The following ST6GALNAC3 variants were observed in gnomAD, a reference collection of about 807,000 sequenced individuals.
The protein encoded by ST6GALNAC3 is alpha-N-acetylgalactosaminide alpha-2,6-sialyltransferase 3.
In ST6GALNAC3, 25 loss-of-function variants were observed where a neutral mutation model predicts 32.7. That is an observed-to-expected ratio of 0.76 (90% CI 0.56 to 1.07). The LOEUF (loss-of-function observed/expected upper bound fraction) is 1.07. ST6GALNAC3 is among the 50% of genes least tolerant of loss of function. ST6GALNAC3 has a pLI of 0.00. For missense variants in ST6GALNAC3, 355 were observed against 382.4 expected, an observed-to-expected ratio of 0.93 and a Z score of 0.60; for synonymous variants, 129 against 133.1, an observed-to-expected ratio of 0.97 and a Z score of 0.21.
At chr1:76,403,954 A>T (rs1412375439) in intron 2 of ST6GALNAC3, among the ~76,000 whole-genome samples, 2 of 152,062 alleles carry the variant, frequency 1.3e-5, no homozygotes, top group Non-Finnish European at 2.9e-5. Flanking sequence ...AGTCTGGAGA[A>T]AACATGTTGC....
At chr1:76,080,320 C>T (rs1218388611) in intron 1 of ST6GALNAC3, among the ~76,000 whole-genome samples, 1 of 152,068 alleles carries the variant, frequency 6.6e-6, no homozygotes, top group Non-Finnish European at 1.5e-5. Flanking sequence ...CAGTTATAGA[C>T]ACAGGTCCAA....
chr1:76,362,798 C>A (rs1259760845), intron 2 of ST6GALNAC3, among the ~76,000 whole-genome samples: 1 of 152,236 alleles, frequency 6.6e-6, no homozygotes, highest in Non-Finnish European at 1.5e-5. Context: ...CCTTGGGCAG[C>A]TCTGTCCATG....
At chr1:76,461,826 C>G (rs903928240) in intron 3 of ST6GALNAC3, among the ~76,000 whole-genome samples, 1 of 152,124 alleles carries the variant, frequency 6.6e-6, no homozygotes, top group Non-Finnish European at 1.5e-5. Flanking sequence ...TGTTATTACC[C>G]TCTCATTTTA....
chr1:76,189,758 G>A (rs1475105320), intron 1 of ST6GALNAC3, among the ~76,000 whole-genome samples: 4 of 152,168 alleles, frequency 2.6e-5, no homozygotes, highest in African/African-American at 7.2e-5. Context: ...AAGTATAAGC[G>A]GTGCAAGTGG....
intron 1 of ST6GALNAC3, among the ~76,000 whole-genome samples, chr1:76,098,032 A>G (rs1647164442): frequency 6.6e-6 from 1 of 152,158 alleles, no homozygotes; most frequent in Non-Finnish European, 1.5e-5. Context: ...GAACCAGTAC[A>G]TGTTAGCAGC....
At chr1:76,339,188 A>G (rs1570885276) in intron 2 of ST6GALNAC3, among the ~76,000 whole-genome samples, 1 of 152,208 alleles carries the variant, frequency 6.6e-6, no homozygotes, top group African/African-American at 2.4e-5. Context: ...GTGACCTTTC[A>G]TGGCGAAGGG....
intron 3 of ST6GALNAC3, among the ~76,000 whole-genome samples, chr1:76,433,316 A>G (rs1655905215): frequency 6.6e-6 from 1 of 152,106 alleles, no homozygotes; most frequent in Non-Finnish European, 1.5e-5. Context: ...AGAAAAAAAG[A>G]GATTTTTTTA....
At chr1:76,474,181 C>T (rs1446121076) in intron 3 of ST6GALNAC3, among the ~76,000 whole-genome samples, 1 of 152,056 alleles carries the variant, frequency 6.6e-6, no homozygotes, top group Non-Finnish European at 1.5e-5. Context: ...GAATTGTGAG[C>T]AAAAACATGG....
At chr1:76,232,175 C>T (rs568161480) in intron 1 of ST6GALNAC3, among the ~76,000 whole-genome samples, 60 of 152,268 alleles carry the variant, frequency 3.9e-4, no homozygotes, top group East Asian at 2.1e-3. Context: ...TAGTGGTTGA[C>T]GCTGGACAGA....
intron 3 of ST6GALNAC3, among the ~76,000 whole-genome samples, chr1:76,537,958 C>T (rs1663728881): frequency 6.6e-6 from 1 of 152,170 alleles, no homozygotes; most frequent in South Asian, 2.1e-4. Flanking sequence ...GAGCTGGTAC[C>T]ATTCCTTCTG....
chr1:76,475,060 G>A (rs140677945), intron 3 of ST6GALNAC3, among the ~76,000 whole-genome samples: 2 of 152,236 alleles, frequency 1.3e-5, no homozygotes, highest in South Asian at 2.1e-4. Flanking sequence ...TGCTACTTTT[G>A]TTCCGTGTGT....
chr1:76,125,153 C>T (rs1649158860), intron 1 of ST6GALNAC3, among the ~76,000 whole-genome samples: 1 of 152,144 alleles, frequency 6.6e-6, no homozygotes, highest in Non-Finnish European at 1.5e-5. Context: ...TCTGGGGCAG[C>T]CTCTCTCTAA....
At chr1:76,522,526 T>C (rs1167749359) in intron 3 of ST6GALNAC3, among the ~76,000 whole-genome samples, 6 of 152,214 alleles carry the variant, frequency 3.9e-5, no homozygotes, top group African/African-American at 1.2e-4. Flanking sequence ...TTGAGTTCAT[T>C]AATCTTGTCC....
intron 2 of ST6GALNAC3, among the ~76,000 whole-genome samples, chr1:76,364,330 C>A (rs1165310377): frequency 2.0e-5 from 3 of 152,124 alleles, no homozygotes; most frequent in Non-Finnish European, 2.9e-5. Flanking sequence ...GGGTGGATCA[C>A]CTGAAGTCAG....
intron 2 of ST6GALNAC3, among the ~76,000 whole-genome samples, chr1:76,379,100 G>A (rs1651499121): frequency 6.6e-6 from 1 of 152,104 alleles, no homozygotes; most frequent in South Asian, 2.1e-4. Flanking sequence ...GCTTCACTGT[G>A]TTAGCCAGGA....
At chr1:76,368,933 C>T (rs1263457359) in intron 2 of ST6GALNAC3, among the ~76,000 whole-genome samples, 4 of 152,164 alleles carry the variant, frequency 2.6e-5, no homozygotes, top group South Asian at 2.1e-4. Flanking sequence ...TCTGCTGTCT[C>T]GAGGTGGAGA....
At chr1:76,294,998 C>A (rs1660309805) in intron 1 of ST6GALNAC3, among the ~76,000 whole-genome samples, 1 of 152,080 alleles carries the variant, frequency 6.6e-6, no homozygotes, top group Non-Finnish European at 1.5e-5. Context: ...CCTGACTCTT[C>A]CTGTTGTAAT....
rs913360654 is a variant in ST6GALNAC3, at chr1:76,405,284, G to T, written c.214-6724G>T. ...GACAGGTGACCTTTCGTACATGGCTGTTCCTTTTTGCTGTGGAAACCACTG... is the reference window on the plus strand; with the variant it reads ...GACAGGTGACCTTTCGTACATGGCTTTTCCTTTTTGCTGTGGAAACCACTG... On this transcript the variant is annotated intron_variant, in intron 2 of 4. Transcript: ENST00000328299. Among the ~76,000 whole-genome samples, 5 of 152,030 alleles carry T rather than the reference G, an allele frequency of 3.3e-5. No homozygotes were observed. The South Asian group carries it at 1.0e-3, about 31-fold the overall frequency.
intron 3 of ST6GALNAC3, among the ~76,000 whole-genome samples, chr1:76,530,977 G>T (rs1024775324): frequency 6.6e-6 from 1 of 152,100 alleles, no homozygotes; most frequent in Non-Finnish European, 1.5e-5. Flanking sequence ...TCATGCACTG[G>T]TTCATCACAT....
Sources: gnomAD v4.1 joint callset for allele counts (sites outside exome capture counted in the v4.1 genomes callset) on GRCh38, gnomAD v4.1.1 for gene constraint, MANE v1.5 for transcripts, NCBI Gene and HGNC (gene_info 2026-07-23, HGNC 2026-07-21) for gene names.